Variants in ZC3H13 observed in about 807,000 individuals in gnomAD.
The protein encoded by ZC3H13 is zinc finger CCCH-type containing 13.
Under a neutral mutation model 204.1 loss-of-function variants are expected in ZC3H13, and 64 were observed. The ratio of observed to expected loss-of-function variants is 0.31; its 90% confidence interval spans 0.26 to 0.39. The LOEUF is 0.39. Among genes scored for constraint, ZC3H13 ranks in the 10% least tolerant of loss-of-function variants. The pLI is 1.00. For synonymous variants in ZC3H13, 667 were observed against 693.7 expected, an observed-to-expected ratio of 0.96 and a Z score of 0.60; for missense variants, 1,833 against 2,082.7, an observed-to-expected ratio of 0.88 and a Z score of 2.33.
At chr13:45,976,045 T>C (rs1953016844) in intron 11 of ZC3H13, 1 of 834,966 alleles carries the variant, frequency 1.2e-6, no homozygotes, top group African/African-American at 1.8e-5. Context: ...ATTTGCCCTC[T>C]AACGACCATG....
In ZC3H13 at chr13:45,968,801, T is replaced by A. The variant is rs1265787957; in HGVS notation, c.3743A>T (p.Lys1248Ile). 4.3e-6 allele frequency: 7 copies of A among 1,612,904 alleles called. No individual in the cohort carries two copies. The highest frequency in any genetic ancestry group is 5.9e-6 in the Non-Finnish European group (7 of 1,179,758). ...ACGCTTTAACTGATCAATCCTAGATTTTCTCTCTCCTGTGATTTCCAGGCT... is the reference window on the plus strand; with the variant it reads ...ACGCTTTAACTGATCAATCCTAGATATTCTCTCTCCTGTGATTTCCAGGCT... ...TKSLEITGERKSRIDQLKRGE... is the reference protein window; with the variant it reads ...TKSLEITGERISRIDQLKRGE... Residue 1248 changes from lysine (K) to isoleucine (I), a missense_variant, in exon 14 of 19, where the codon AAA becomes ATA. Physicochemically the swap from Lys to Ile is moderately radical, Grantham distance 102 (BLOSUM62 -3). Coordinates refer to ENST00000679008, the MANE Select transcript of ZC3H13 (RefSeq NM_001330564.2).
chr13:45,966,315 T>C (rs992044908), intron 15 of ZC3H13, among the ~76,000 whole-genome samples: 1 of 152,168 alleles, frequency 6.6e-6, no homozygotes, highest in Non-Finnish European at 1.5e-5. Context: ...TTTCTAGTCA[T>C]TCTAGTGATT....
rs1250630193 is a variant in ZC3H13 at position 45,956,916 on chromosome 13, C to CATGAGTGTCA, written c.*201_*210dup. 11 of 359,576 alleles carry CATGAGTGTCA rather than the reference C, an allele frequency of 3.1e-5. No individual in the cohort carries two copies. In the South Asian group the frequency reaches 1.3e-3, roughly 41 times the overall value. 22.3% of individuals were successfully genotyped at this position (359,576 alleles called of 1,614,324 possible). Reference sequence around the variant, plus strand: ...ATCTAGATGTTTTCACATTATTTTGCATGAGTGTCAAATACTATGTAAAAA... The same window carrying CATGAGTGTCA: ...ATCTAGATGTTTTCACATTATTTTGCATGAGTGTCAATGAGTGTCAAATACTATGTAAAAA... On this transcript the variant is annotated 3_prime_UTR_variant, in exon 19 of 19. Transcript: ENST00000679008.
chr13:45,984,475 A>G (rs929726586), intron 10 of ZC3H13, among the ~76,000 whole-genome samples: 2 of 152,212 alleles, frequency 1.3e-5, no homozygotes, highest in African/African-American at 4.8e-5. Context: ...GAAATATTAT[A>G]AATTGATTAA....
chr13:46,011,295 T>A (rs2041544822), intron 6 of ZC3H13, 120 bp downstream of exon 6: 1 of 802,958 alleles, frequency 1.2e-6, no homozygotes, highest in Non-Finnish European at 1.8e-6. Context: ...ACATATACAG[T>A]GGGTTGATCA....
rs747243980 is a variant in ZC3H13, at chr13:46,010,470, C to T, written c.624G>A (p.Pro208=). Residue 208 remains proline (P), a synonymous_variant, in exon 7 of 19, where the codon CCG becomes CCA. Coordinates refer to ENST00000679008, the MANE Select transcript of ZC3H13 (RefSeq NM_001330564.2). ...SPEVVRSKLS[P]SPSLRKSSKS... is the part of the protein sequence containing the mutation. ...TGCTAGACTTTCTTAGAGAAGGTGA[C>T]GGGGACAATTTTGATCTAACCACTT... is the stretch of plus-strand genomic sequence containing the variant. 1.2e-5 allele frequency: 20 copies of T among 1,613,336 alleles called. No homozygotes were observed. Among genetic ancestry groups the T allele is most frequent in the African/African-American group, 6.7e-5 (5 of 74,866 alleles).
chr13:45,982,443 T>C (rs1411060988), intron 10 of ZC3H13, among the ~76,000 whole-genome samples: 1 of 151,862 alleles, frequency 6.6e-6, no homozygotes, highest in Non-Finnish European at 1.5e-5. Context: ...AAGTTAAGAA[T>C]GAAAGAAGAT....
chr13:45,971,841 G>A (rs1384105883), intron 12 of ZC3H13, among the ~76,000 whole-genome samples: 1 of 152,028 alleles, frequency 6.6e-6, no homozygotes, highest in East Asian at 1.9e-4. Context: ...AGTGGATAAA[G>A]GACACGAATA....
At chr13:46,028,292 T>C (rs1009683742) in intron 4 of ZC3H13, among the ~76,000 whole-genome samples, 5 of 152,190 alleles carry the variant, frequency 3.3e-5, no homozygotes, top group African/African-American at 1.2e-4. Context: ...AATTCTTATG[T>C]GTATGACCCT....
At chr13:46,041,680 G>C (rs1390212724) in intron 4 of ZC3H13, among the ~76,000 whole-genome samples, 1 of 151,822 alleles carries the variant, frequency 6.6e-6, no homozygotes, top group Non-Finnish European at 1.5e-5. Context: ...ATTTCTCTTG[G>C]CTTCACTGCC....
At chr13:46,042,504 A>T (rs939644174) in intron 3 of ZC3H13, among the ~76,000 whole-genome samples, 13 of 152,100 alleles carry the variant, frequency 8.5e-5, no homozygotes, top group Non-Finnish European at 1.8e-4. Flanking sequence ...TAACAATCAA[A>T]ATGTATATGT....
At chr13:46,039,029 T>C (rs2043392158) in intron 4 of ZC3H13, among the ~76,000 whole-genome samples, 1 of 152,064 alleles carries the variant, frequency 6.6e-6, no homozygotes, top group African/African-American at 2.4e-5. Flanking sequence ...CTCAAAAGAA[T>C]ACTAATAAAT....
In ZC3H13 at chr13:46,042,288, A is replaced by T. The variant is rs1273241019; in HGVS notation, c.228-13T>A. On this transcript the variant is annotated splice_polypyrimidine_tract_variant and intron_variant, in intron 3 of 18. Coordinates refer to ENST00000679008, the MANE Select transcript of ZC3H13 (RefSeq NM_001330564.2). ...TCTTTCTGGTGACCTTTGAACCAAA[A>T]CACAGAAACAAAACAAAAAACGAAA... The T allele has an allele frequency of 1.3e-6, 2 of 1,589,586 alleles. No homozygotes were observed. Among genetic ancestry groups the T allele is most frequent in the Non-Finnish European group, 1.7e-6 (2 of 1,165,696 alleles).
intron 11 of ZC3H13, 47 bp from the exon 12 acceptor site, chr13:45,975,885 C>G: frequency 6.3e-7 from 1 of 1,582,132 alleles, no homozygotes; most frequent in Non-Finnish European, 8.6e-7. Context: ...GACAGATAAC[C>G]TATTGGTAAG....
In ZC3H13 at chr13:46,052,440, G is replaced by A. The variant is rs1229983323; in HGVS notation, c.-46C>T. 1 of 398,092 alleles carries A rather than the reference G, an allele frequency of 2.5e-6. No homozygotes were observed. Among genetic ancestry groups the A allele is most frequent in the Non-Finnish European group, 4.4e-6 (1 of 226,090 alleles). The allele number at this position is 398,092 out of a possible 1,614,324, so 24.7% of individuals were successfully genotyped here. On this transcript the variant is annotated 5_prime_UTR_variant, in exon 1 of 19. Coordinates refer to ENST00000679008, the MANE Select transcript of ZC3H13 (RefSeq NM_001330564.2). ...GCTCCCTTCGCAAGTGCAGTCCGGA[G>A]GCACCACCGCCGCCGCCGCTCCGAG...
intron 1 of ZC3H13, among the ~76,000 whole-genome samples, chr13:46,050,549 T>C (rs2044331496): frequency 6.6e-6 from 1 of 152,168 alleles, no homozygotes; most frequent in Non-Finnish European, 1.5e-5. Context: ...CCCTATACTC[T>C]GAATTTCTAA....
chr13:45,961,573 TGTG>T (rs1469490894), intron 17 of ZC3H13, among the ~76,000 whole-genome samples: 1 of 15,300 alleles, frequency 6.5e-5, no homozygotes, highest in African/African-American at 2.7e-4. Flanking sequence ...GGTGGGGAGA[TGTG>T]GGGGTGGGGA....
chr13:46,042,509 A>G (rs1940824432), intron 3 of ZC3H13, among the ~76,000 whole-genome samples: 1 of 152,126 alleles, frequency 6.6e-6, no homozygotes, highest in South Asian at 2.1e-4. Context: ...ATCAAAATGT[A>G]TATGTTAAAT....
At chr13:46,007,951 T>C (rs1319266792) in intron 7 of ZC3H13, among the ~76,000 whole-genome samples, 1 of 152,190 alleles carries the variant, frequency 6.6e-6, no homozygotes, top group Non-Finnish European at 1.5e-5. Flanking sequence ...AGGTAATATA[T>C]TTATGATTTT....
Sources: gnomAD v4.1 joint callset for allele counts (sites outside exome capture counted in the v4.1 genomes callset) on GRCh38, gnomAD v4.1.1 for gene constraint, MANE v1.5 for transcripts, NCBI Gene and HGNC (gene_info 2026-07-23, HGNC 2026-07-21) for gene names.